Variants in APBA2 observed in about 807,000 individuals in gnomAD.
APBA2 encodes the protein amyloid beta precursor protein binding family A member 2, also known as amyloid-beta A4 precursor protein-binding family A member 2.
In APBA2, 30 loss-of-function variants were observed where a neutral mutation model predicts 75.0. The ratio of observed to expected loss-of-function variants is 0.40; its 90% CI spans 0.30 to 0.54. The LOEUF (loss-of-function observed/expected upper bound fraction) is 0.54, where lower values mean the gene tolerates loss of function less well. Ranked by LOEUF, APBA2 falls within the 20% of genes least tolerant of loss-of-function variation. APBA2 has a pLI of 0.49. For synonymous variants in APBA2, 444 were observed against 409.6 expected, an observed-to-expected ratio of 1.08 and a Z score of -1.01; for missense variants, 801 against 1,016.1, an observed-to-expected ratio of 0.79 and a Z score of 2.88.
intron 3 of APBA2, among the ~76,000 whole-genome samples, chr15:29,000,951 G>A (rs796107850): frequency 3.3e-5 from 5 of 152,246 alleles, no homozygotes; most frequent in African/African-American, 1.2e-4. Flanking sequence ...CTTCACATGG[G>A]AGGCTCCTTC....
intron 3 of APBA2, among the ~76,000 whole-genome samples, chr15:29,052,389 A>G (rs2041637730): frequency 1.4e-5 from 2 of 147,366 alleles, no homozygotes; most frequent in South Asian, 4.2e-4. Context: ...CAGGAGGTGG[A>G]ACTTGCAGTG....
intron 3 of APBA2, among the ~76,000 whole-genome samples, chr15:29,035,820 C>T (rs918480743): frequency 6.6e-6 from 1 of 152,166 alleles, no homozygotes; most frequent in African/African-American, 2.4e-5. Flanking sequence ...GCCAGAAGCC[C>T]CGCAGGTGGC....
chr15:29,061,366 C>T (rs536428732), intron 4 of APBA2, among the ~76,000 whole-genome samples: 1 of 152,192 alleles, frequency 6.6e-6, no homozygotes, highest in African/African-American at 2.4e-5. Flanking sequence ...ACCTCCATGG[C>T]TACCGAGTTG....
intron 7 of APBA2, among the ~76,000 whole-genome samples, chr15:29,093,725 C>T (rs1472522701): frequency 6.6e-6 from 1 of 152,068 alleles, no homozygotes; most frequent in African/African-American, 2.4e-5. Context: ...ATGGGGTCGG[C>T]GGGGAGGGGA....
At chr15:29,002,205 G>A (rs143405531) in intron 3 of APBA2, among the ~76,000 whole-genome samples, 20 of 152,276 alleles carry the variant, frequency 1.3e-4, no homozygotes, top group Middle Eastern at 6.8e-3. Flanking sequence ...GGCACATACG[G>A]ACATGCTAAT....
At chr15:28,927,463 A>T (rs981631035) in intron 2 of APBA2, among the ~76,000 whole-genome samples, 1 of 151,044 alleles carries the variant, frequency 6.6e-6, no homozygotes, top group Non-Finnish European at 1.5e-5. Flanking sequence ...ACCTCAAATG[A>T]TTTTCTTCTC....
intron 3 of APBA2, among the ~76,000 whole-genome samples, chr15:29,038,148 C>T (rs764803032): frequency 6.6e-6 from 1 of 152,162 alleles, no homozygotes; most frequent in African/African-American, 2.4e-5. Flanking sequence ...GCTGTGCTTG[C>T]CAGCTCTGTG....
chr15:29,026,182 T>A (rs2040213742), intron 3 of APBA2, among the ~76,000 whole-genome samples: 1 of 152,188 alleles, frequency 6.6e-6, no homozygotes, highest in Non-Finnish European at 1.5e-5. Flanking sequence ...CCGTGTTCCA[T>A]AGGATGTTCC....
In APBA2 at chr15:29,116,594, C is replaced by T. The variant is rs530514471; in HGVS notation, c.2179-468C>T. 4.0e-5 allele frequency among the ~76,000 whole-genome samples: 6 copies of T among 149,688 alleles called. No homozygotes were observed. The East Asian group carries it at 1.2e-3, about 29-fold the overall frequency. On this transcript the variant is annotated intron_variant, in intron 14 of 14. Coordinates refer to ENST00000683413, the MANE Select transcript of APBA2 (RefSeq NM_001353788.2). Reference sequence around the variant, plus strand: ...AGTGAGCCGAGATTGCACCACTGCACTCCAGCCTGGGCGACAGAGCAAGAC... The same window carrying T: ...AGTGAGCCGAGATTGCACCACTGCATTCCAGCCTGGGCGACAGAGCAAGAC...
chr15:28,908,903 C>T lies in APBA2; in HGVS notation c.-204-12737C>T, dbSNP rs146763819. 1.3e-5 allele frequency among the ~76,000 whole-genome samples: 2 copies of T among 152,166 alleles called. 1 individual carries two copies. Among genetic ancestry groups the T allele is most frequent in the Non-Finnish European group, 2.9e-5 (2 of 68,028 alleles). ...CATCCATCTCCAGAACTTTCTTCAT[C>T]TTGCAATCTGAAATTCTGTGTCCAT... On this transcript the variant is annotated intron_variant, in intron 1 of 14. Coordinates refer to ENST00000683413, the MANE Select transcript of APBA2 (RefSeq NM_001353788.2).
intron 2 of APBA2, among the ~76,000 whole-genome samples, chr15:28,929,744 A>G (rs565560207): frequency 2.6e-5 from 4 of 152,200 alleles, no homozygotes; most frequent in Admixed American, 1.3e-4. Context: ...CAATAAACCA[A>G]TTTGCCCCCA....
intron 1 of APBA2, among the ~76,000 whole-genome samples, chr15:28,897,059 T>G (rs1401494028): frequency 6.6e-6 from 1 of 152,144 alleles, no homozygotes; most frequent in Admixed American, 6.5e-5. Context: ...CACCAGAAAC[T>G]AGGCCTCCAT....
At chr15:29,092,880 G>A (rs1292677598) in intron 6 of APBA2, among the ~76,000 whole-genome samples, 195 bp from the exon 7 acceptor site, 3 of 152,170 alleles carry the variant, frequency 2.0e-5, no homozygotes, top group East Asian at 1.9e-4. Flanking sequence ...TTGATTTCGC[G>A]CAGTTACTTG....
intron 3 of APBA2, among the ~76,000 whole-genome samples, chr15:29,003,759 G>T (rs1459277020): frequency 6.6e-6 from 1 of 152,260 alleles, no homozygotes; most frequent in Non-Finnish European, 1.5e-5. Context: ...TGCAGCTGCA[G>T]TCCACAGGCA....
chr15:28,984,588 C>T (rs963614756), intron 2 of APBA2, among the ~76,000 whole-genome samples: 1 of 152,002 alleles, frequency 6.6e-6, no homozygotes, highest in Non-Finnish European at 1.5e-5. Context: ...GCTGTGGTTA[C>T]CACTCATTAG....
chr15:29,052,880 TAACA>T (rs1182985918), intron 3 of APBA2, among the ~76,000 whole-genome samples: 1 of 152,098 alleles, frequency 6.6e-6, no homozygotes, highest in Non-Finnish European at 1.5e-5. Flanking sequence ...CTCACTTTTA[TAACA>T]AACCCACTCT....
In APBA2 at chr15:29,076,948, CA is replaced by C. The variant is rs569441296; in HGVS notation, c.1069+858del. 1.5e-3 allele frequency among the ~76,000 whole-genome samples: 231 copies of C among 152,268 alleles called. 1 individual carries two copies. Among genetic ancestry groups the C allele is most frequent in the African/African-American group, 5.3e-3 (219 of 41,544 alleles). On this transcript the variant is annotated intron_variant, in intron 6 of 14. Transcript: ENST00000683413. ...TCGCCTTTAGAGAACTAGTTTGAAC[CA>C]GGCTAATCCAGTTCCAATTGGTTGA...
chr15:28,913,063 G>A (rs970626244), intron 1 of APBA2, among the ~76,000 whole-genome samples: 2 of 152,200 alleles, frequency 1.3e-5, no homozygotes, highest in African/African-American at 4.8e-5. Context: ...ATTGCGTTTT[G>A]TCGTATATAA....
chr15:28,931,576 C>T (rs926227126), intron 2 of APBA2, among the ~76,000 whole-genome samples: 1 of 152,174 alleles, frequency 6.6e-6, no homozygotes, highest in African/African-American at 2.4e-5. Flanking sequence ...TAGGGTCCAG[C>T]CGGGGAAGCA....
Sources: allele counts gnomAD v4.1 joint callset (sites outside exome capture counted in the v4.1 genomes callset), GRCh38; gene constraint gnomAD v4.1.1; transcripts MANE v1.5; gene names NCBI Gene and HGNC (gene_info 2026-07-23, HGNC 2026-07-21).